CCSER1: variants seen among roughly 807,000 people sequenced by gnomAD.
CCSER1 encodes coiled-coil serine rich protein 1.
In CCSER1, 41 loss-of-function variants were observed where a neutral mutation model predicts 82.0. The ratio of observed to expected loss-of-function variants is 0.50; its 90% CI spans 0.39 to 0.65. CCSER1 has a LOEUF of 0.65. Ranked by LOEUF, CCSER1 falls within the 30% of genes least tolerant of loss-of-function variation. The pLI is 0.00. For missense variants in CCSER1, 1,119 were observed against 1,064.2 expected (o/e 1.05, Z -0.72); for synonymous variants, 414 against 383.9 (o/e 1.08, Z -0.92).
intron 7 of CCSER1, among the ~76,000 whole-genome samples, chr4:90,755,501 A>C (rs541753169): frequency 1.3e-5 from 2 of 152,276 alleles, no homozygotes; most frequent in South Asian, 4.1e-4. Flanking sequence ...TTAGCACTTT[A>C]TTCTGGCAGA....
chr4:91,086,337 A>C (rs1301944090), intron 10 of CCSER1, among the ~76,000 whole-genome samples: 1 of 152,136 alleles, frequency 6.6e-6, no homozygotes, highest in Non-Finnish European at 1.5e-5. Context: ...CTGAGAAGTT[A>C]ACAAAATTCT....
At chr4:90,566,416 G>T (rs1269165413) in intron 5 of CCSER1, among the ~76,000 whole-genome samples, 1 of 145,478 alleles carries the variant, frequency 6.9e-6, no homozygotes, top group African/African-American at 2.5e-5. Context: ...TTAGTATCTT[G>T]ATCTCCTCTG....
chr4:91,310,800 G>T (rs867938153), intron 10 of CCSER1, among the ~76,000 whole-genome samples: 84 of 151,924 alleles, frequency 5.5e-4, no homozygotes, highest in Middle Eastern at 6.8e-3. Context: ...CTTTGAATGT[G>T]GCCCAATACA....
chr4:91,547,784 T>C (rs1040012706), intron 10 of CCSER1, among the ~76,000 whole-genome samples: 7 of 152,202 alleles, frequency 4.6e-5, no homozygotes, highest in African/African-American at 1.7e-4. Flanking sequence ...GTTTTTTGTT[T>C]TTTTGTTTGT....
At chr4:90,506,472 T>G (rs372052190) in intron 5 of CCSER1, among the ~76,000 whole-genome samples, 17 of 152,262 alleles carry the variant, frequency 1.1e-4, no homozygotes, top group African/African-American at 3.6e-4. Context: ...CATTTAAATA[T>G]TAACTTTAGG....
chr4:90,169,823 A>T (rs886866240), intron 1 of CCSER1, among the ~76,000 whole-genome samples: 7 of 74,468 alleles, frequency 9.4e-5, no homozygotes, highest in African/African-American at 6.2e-4. Flanking sequence ...ACTGGGTTAC[A>T]CATGTACTTA....
intron 7 of CCSER1, among the ~76,000 whole-genome samples, chr4:90,803,209 T>A (rs1317694315): frequency 6.9e-6 from 1 of 145,154 alleles, no homozygotes; most frequent in Non-Finnish European, 1.6e-5. Flanking sequence ...TTTTTTAATG[T>A]TTTTGTCTTT....
intron 8 of CCSER1, among the ~76,000 whole-genome samples, chr4:90,819,332 A>G (rs1759438479): frequency 6.6e-6 from 1 of 152,156 alleles, no homozygotes; most frequent in African/African-American, 2.4e-5. Context: ...GCTTCAATAC[A>G]TGAATTGTGG....
At chr4:90,977,419 A>G (rs1018237060) in intron 9 of CCSER1, among the ~76,000 whole-genome samples, 1 of 151,590 alleles carries the variant, frequency 6.6e-6, no homozygotes, top group Non-Finnish European at 1.5e-5. Flanking sequence ...TGTTTCTATT[A>G]CATATATAAA....
At chr4:90,974,677 C>A (rs941956753) in intron 9 of CCSER1, among the ~76,000 whole-genome samples, 1 of 151,156 alleles carries the variant, frequency 6.6e-6, no homozygotes, top group African/African-American at 2.4e-5. Flanking sequence ...ACTTCATAAC[C>A]ATAGGATAGT....
Position 90,231,498 on chromosome 4 carries a change from A to C in CCSER1, c.-41-76746A>C, listed in dbSNP as rs543042198. 3.0e-3 allele frequency among the ~76,000 whole-genome samples: 441 copies of C among 147,894 alleles called. 3 individuals carry two copies. The highest frequency in any genetic ancestry group is 0.011 in the African/African-American group (419 of 39,168). On this transcript the variant is annotated intron_variant, in intron 1 of 10. Coordinates refer to ENST00000509176, the MANE Select transcript of CCSER1 (RefSeq NM_001145065.2). ...AAAATAATAAGAGCTATCTATGACA[A>C]ACCCACAGCCAATATCATACTGAAT...
intron 9 of CCSER1, among the ~76,000 whole-genome samples, chr4:91,078,855 A>T (rs978646734): frequency 1.3e-5 from 2 of 152,238 alleles, no homozygotes; most frequent in African/African-American, 4.8e-5. Flanking sequence ...AATGAATGAA[A>T]TGTAGCGACA....
intron 9 of CCSER1, chr4:90,951,397 G>A (rs781692248): frequency 5.3e-5 from 8 of 152,022 alleles, no homozygotes; most frequent in African/African-American, 1.9e-4. Context: ...GTTGTGAAGG[G>A]CATCACTCCC....
intron 10 of CCSER1, among the ~76,000 whole-genome samples, chr4:91,359,201 G>C (rs1384758172): frequency 6.6e-6 from 1 of 151,144 alleles, no homozygotes; most frequent in Non-Finnish European, 1.5e-5. Flanking sequence ...TACAGAACAG[G>C]GCAGGGAGTT....
At chr4:91,221,950 A>G (rs915727760) in intron 10 of CCSER1, among the ~76,000 whole-genome samples, 3 of 152,104 alleles carry the variant, frequency 2.0e-5, no homozygotes, top group African/African-American at 7.2e-5. Context: ...ATAATGAATA[A>G]TTGTGTTTTA....
chr4:90,490,789 T>C (rs1043140894), intron 5 of CCSER1, among the ~76,000 whole-genome samples: 1 of 152,042 alleles, frequency 6.6e-6, no homozygotes, highest in Admixed American at 6.6e-5. Flanking sequence ...ATCCTTTCCC[T>C]ATTTCTTGTT....
Position 90,798,870 on chromosome 4 carries a change from G to A in CCSER1, c.2011-16892G>A, listed in dbSNP as rs572532702. 5.3e-5 allele frequency among the ~76,000 whole-genome samples: 8 copies of A among 152,274 alleles called. No individual in the cohort carries two copies. The South Asian group carries it at 8.3e-4, about 16-fold the overall frequency. Reference sequence around the variant, plus strand: ...ACCCACTGCACTGAGGTGGGGGGAGGCAGTGGGTGGTGGCGGAAGGTGCTT... The same window carrying A: ...ACCCACTGCACTGAGGTGGGGGGAGACAGTGGGTGGTGGCGGAAGGTGCTT... On this transcript the variant is annotated intron_variant, in intron 7 of 10. Coordinates refer to ENST00000509176, the MANE Select transcript of CCSER1 (RefSeq NM_001145065.2).
At chr4:90,750,118 C>T (rs970696052) in intron 7 of CCSER1, among the ~76,000 whole-genome samples, 42 of 151,700 alleles carry the variant, frequency 2.8e-4, no homozygotes, top group African/African-American at 6.0e-4. Context: ...TCATGTCCTT[C>T]GCCCACTTTT....
At chr4:90,938,645 ATTCAT>A (rs1423280110) in intron 9 of CCSER1, 4 of 353,802 alleles carry the variant, frequency 1.1e-5, no homozygotes, top group African/African-American at 8.5e-5. Flanking sequence ...TATTGATTTC[ATTCAT>A]TTCTTTTTGT....
Sources: gnomAD v4.1 joint callset for allele counts (sites outside exome capture counted in the v4.1 genomes callset) on GRCh38, gnomAD v4.1.1 for gene constraint, MANE v1.5 for transcripts, NCBI Gene and HGNC (gene_info 2026-07-23, HGNC 2026-07-21) for gene names.